LARGE2: variants seen among roughly 807,000 people sequenced by gnomAD.
LARGE2 encodes xylosyl- and glucuronyltransferase LARGE2.
Under a neutral mutation model 75.3 loss-of-function variants are expected in LARGE2, and 63 were observed. That is an observed-to-expected ratio of 0.84 (90% CI 0.68 to 1.03). The LOEUF (loss-of-function observed/expected upper bound fraction) is 1.03. Ranked by LOEUF, LARGE2 falls within the 50% of genes least tolerant of loss-of-function variation. The pLI is 0.00. For synonymous variants in LARGE2, 428 were observed against 420.1 expected (o/e 1.02, Z -0.23); for missense variants, 925 against 980.6 (o/e 0.94, Z 0.76).
In LARGE2 at chr11:45,926,594, G is replaced by A; in HGVS notation, c.1161G>A (p.Glu387=). The change falls in exon 9 of 14, where the codon GAG becomes GAA. Residue 387 remains glutamate, a synonymous_variant. Transcript: ENST00000401752. ...CCAGCCAGCCCCCACCTGGTGCTGA[G>A]CAGGTGAGAAGGAGTCACCTTCCCC... ...VCPSQPPPGA[E]QLQQALAQLD... is the part of the protein sequence containing the mutation. 1 of 1,614,048 alleles carries A rather than the reference G, an allele frequency of 6.2e-7. No homozygotes were observed.
Position 45,928,186 on chromosome 11 carries a change from G to A in LARGE2, c.1764G>A (p.Glu588=). Residue 588 remains glutamate (E), a synonymous_variant, in exon 13 of 14, where the codon GAG becomes GAA. Coordinates refer to ENST00000401752, the MANE Select transcript of LARGE2 (RefSeq NM_001300721.2). ...CGACCCTGCTGCACAGGTACCACGAGTGGCCCCGAGGCCACGCACCCACAG... is the reference window on the plus strand; with the variant it reads ...CGACCCTGCTGCACAGGTACCACGAATGGCCCCGAGGCCACGCACCCACAG... The part of the protein sequence containing the change: ...AGTLYTFRYH[E]WPRGHAPTDY... 1 of 1,613,598 alleles carries A rather than the reference G, an allele frequency of 6.2e-7. No individual in the cohort carries two copies. Among genetic ancestry groups the A allele is most frequent in the Non-Finnish European group, 8.5e-7 (1 of 1,180,010 alleles).
In LARGE2 at chr11:45,928,844, G is replaced by A. The variant is rs1468133733; in HGVS notation, c.2165G>A (p.Ter722=). The A allele has an allele frequency of 2.5e-6, 4 of 1,613,054 alleles. No homozygotes were observed. The Admixed American group carries it at 5.0e-5, about 20-fold the overall frequency. ...CAGCCCCAGAGCCCTGCCCGAGGCT[G>A]AGGCTGGGCCGGCGCTGCCCCTCAT... ...LQQPQSPARG[*] is the part of the protein sequence containing the mutation. The change falls in exon 14 of 14, where the codon TGA becomes TAA. Residue 722 remains the stop codon, a stop_retained_variant. Coordinates refer to ENST00000401752, the MANE Select transcript of LARGE2 (RefSeq NM_001300721.2).
In LARGE2 at chr11:45,928,046, T is replaced by C. The variant is rs777265391; in HGVS notation, c.1731T>C (p.Asp577=). The change falls in exon 12 of 14, where the codon GAT becomes GAC. Residue 577 remains aspartate, a synonymous_variant. Coordinates refer to ENST00000401752, the MANE Select transcript of LARGE2 (RefSeq NM_001300721.2). The stretch of plus-strand genomic sequence containing the variant: ...AGGTGGAGCTGTTGGCCTTGCTGGA[T>C]GCGGGCACTCTCTACACCTTCAGGT... ...HSKVELLALL[D]AGTLYTFRYH... The C allele has an allele frequency of 2.5e-6, 4 of 1,613,932 alleles. No homozygotes were observed. Among genetic ancestry groups the C allele is most frequent in the South Asian group, 1.1e-5 (1 of 91,086 alleles).
rs1474232273 is a variant in LARGE2 at position 45,923,497 on chromosome 11, G to A, written c.310G>A (p.Ala104Thr). The change falls in exon 3 of 14, where the codon GCG (alanine) becomes ACG (threonine). Residue 104 changes from alanine (A) to threonine (T), a missense_variant. Physicochemically the swap from Ala to Thr is moderately conservative, Grantham distance 58. This residue lies in a region of LARGE2 where 453 missense variants were observed against 460.2 expected (regional missense o/e 0.98). Transcript: ENST00000401752. ...CELLHVAIVC[A>T]GHNSSRDVIT... The stretch of plus-strand genomic sequence containing the variant: ...GCTCTTGCATGTGGCCATCGTGTGT[G>A]CGGGGCATAACTCCAGCCGAGACGT... The A allele has an allele frequency of 6.2e-7, 1 of 1,613,754 alleles. No homozygotes were observed. Among genetic ancestry groups the A allele is most frequent in the African/African-American group, 1.3e-5 (1 of 74,938 alleles).
At position 45,922,914 on chromosome 11, in the gene LARGE2, G is replaced by T. The variant is rs1022447828; in HGVS notation, c.32G>T (p.Gly11Val). ...CCCCGAGGGCGCCCCCGGGCGCTGG[G>T]GGCCGCCGCGCTGTTGCTGCTGCTG... MLPRGRPRAL[G>V]AAALLLLLLL... The change falls in exon 2 of 14, where the codon GGG becomes GTG. Residue 11 changes from glycine to valine, a missense_variant. By Grantham distance (109) the Gly-to-Val change is moderately radical. This residue lies in a region of LARGE2 where 453 missense variants were observed against 460.2 expected (regional missense o/e 0.98). Transcript: ENST00000401752. The T allele has an allele frequency of 1.4e-5, 18 of 1,279,062 alleles. No individual in the cohort carries two copies. The African/African-American group carries it at 2.3e-4, about 17-fold the overall frequency. 79.2% of individuals were successfully genotyped at this position (1,279,062 alleles called of 1,614,324 possible).
In LARGE2 at chr11:45,923,046, G is replaced by A. The variant is rs970014306; in HGVS notation, c.164G>A (p.Arg55His). 2.1e-5 allele frequency: 30 copies of A among 1,412,642 alleles called. No individual in the cohort carries two copies. In the African/African-American group the frequency reaches 3.8e-4, roughly 18 times the overall value. The allele number at this position is 1,412,642 out of a possible 1,614,324, so 87.5% of individuals were successfully genotyped here. Residue 55 changes from arginine to histidine, a missense_variant, in exon 2 of 14, where the codon CGT (arginine) becomes CAT (histidine). By Grantham distance (29) the Arg-to-His change is conservative. Coordinates refer to ENST00000401752, the MANE Select transcript of LARGE2 (RefSeq NM_001300721.2). Reference protein sequence around the residue: ...PGCFPGPLMPRVPPDGRLRRA... With the variant: ...PGCFPGPLMPHVPPDGRLRRA... ...TGCTTCCCCGGCCCGCTCATGCCACGTGTCCCCCCAGACGGGAGGCTGCGG... is the reference window on the plus strand; with the variant it reads ...TGCTTCCCCGGCCCGCTCATGCCACATGTCCCCCCAGACGGGAGGCTGCGG...
rs1382467190 is a variant in LARGE2, at chr11:45,923,121, A to G, written c.239A>G (p.Asn80Ser). 7.3e-6 allele frequency: 10 copies of G among 1,368,382 alleles called. No homozygotes were observed. The Admixed American group carries it at 2.2e-4, about 31-fold the overall frequency. 84.8% of individuals were successfully genotyped at this position (1,368,382 alleles called of 1,614,324 possible). A position where few individuals can be genotyped will look rare whatever the true frequency, so the allele number is the denominator to read the frequency against. ...CCGGGGGCCGGCCCCGGGGACCACA[A>G]CCGCTCCGACTGCGGCCCGCAGCCG... The part of the protein sequence containing the change: ...GDPGAGPGDH[N>S]RSDCGPQPPP... The change falls in exon 2 of 14, where the codon AAC becomes AGC. Residue 80 changes from asparagine (N) to serine (S), a missense_variant. By Grantham distance (46) the Asn-to-Ser change is conservative. Coordinates refer to ENST00000401752, the MANE Select transcript of LARGE2 (RefSeq NM_001300721.2).
intron 4 of LARGE2, 21 bp downstream of exon 4, chr11:45,924,298 C>A: frequency 4.3e-6 from 7 of 1,611,550 alleles, no homozygotes; most frequent in Non-Finnish European, 5.9e-6. Flanking sequence ...AGCCCTTCCC[C>A]CCTCCCCTCA....
At chr11:45,923,215 C>A in intron 2 of LARGE2, 48 bp downstream of exon 2, 1 of 1,315,078 alleles carries the variant, frequency 7.6e-7, no homozygotes, top group Non-Finnish European at 9.6e-7. Flanking sequence ...GCGCCGCCCC[C>A]GAGCCCGGCC....
intron 4 of LARGE2, 81 bp from the exon 5 acceptor site, chr11:45,924,425 C>T: frequency 7.0e-6 from 11 of 1,570,908 alleles, no homozygotes; most frequent in Non-Finnish European, 9.5e-6. Context: ...TACCCCCTCT[C>T]CTCTGTGTCA....
In LARGE2 at chr11:45,923,099, G is replaced by A; in HGVS notation, c.217G>A (p.Gly73Arg). Residue 73 changes from glycine (G) to arginine (R), a missense_variant, in exon 2 of 14, where the codon GGG becomes AGG. Transcript: ENST00000401752. ...AGCCGCCGCCCTCGACGGAGACCCGGGGGCCGGCCCCGGGGACCACAACCG... is the reference window on the plus strand; with the variant it reads ...AGCCGCCGCCCTCGACGGAGACCCGAGGGCCGGCCCCGGGGACCACAACCG... ...RRAAALDGDP[G>R]AGPGDHNRSD... The A allele has an allele frequency of 7.1e-7, 1 of 1,402,778 alleles. No individual in the cohort carries two copies. 86.9% of individuals were successfully genotyped at this position (1,402,778 alleles called of 1,614,324 possible). A position where few individuals can be genotyped will look rare whatever the true frequency, so the allele number is the denominator to read the frequency against.
chr11:45,923,106 G>T lies in LARGE2; in HGVS notation c.224G>T (p.Gly75Val). ...AAALDGDPGA[G>V]PGDHNRSDCG... ...GCCCTCGACGGAGACCCGGGGGCCG[G>T]CCCCGGGGACCACAACCGCTCCGAC... Residue 75 changes from glycine (G) to valine (V), a missense_variant, in exon 2 of 14, where the codon GGC (glycine) becomes GTC (valine). By Grantham distance (109) the Gly-to-Val change is moderately radical. Transcript: ENST00000401752. 2 of 1,394,386 alleles carry T rather than the reference G, an allele frequency of 1.4e-6. No individual in the cohort carries two copies. The highest frequency in any genetic ancestry group is 1.9e-6 in the Non-Finnish European group (2 of 1,078,926). 86.4% of individuals were successfully genotyped at this position (1,394,386 alleles called of 1,614,324 possible).
In LARGE2 at chr11:45,928,822, C is replaced by T; in HGVS notation, c.2143C>T (p.Pro715Ser). Residue 715 changes from proline to serine, a missense_variant, in exon 14 of 14, where the codon CCC (proline) becomes TCC (serine). This residue lies in a region of LARGE2 where 469 missense variants were observed against 503.8 expected (regional missense o/e 0.93). Transcript: ENST00000401752. ...ALKYLPALQQPQSPARG is the reference protein window; with the variant it reads ...ALKYLPALQQSQSPARG ...CAAATACCTCCCAGCCCTGCAGCAG[C>T]CCCAGAGCCCTGCCCGAGGCTGAGG... 2 of 1,613,352 alleles carry T rather than the reference C, an allele frequency of 1.2e-6. No individual in the cohort carries two copies. The highest frequency in any genetic ancestry group is 1.7e-6 in the Non-Finnish European group (2 of 1,179,920).
chr11:45,924,856 C>A lies in LARGE2; in HGVS notation c.736C>A (p.Pro246Thr). The change falls in exon 6 of 14, where the codon CCC becomes ACC. Residue 246 changes from proline to threonine, a missense_variant. Physicochemically the swap from Pro to Thr is conservative, Grantham distance 38. Around this residue, in one of 3 missense-constraint regions of LARGE2, gnomAD observed 453 missense variants for 460.2 expected, o/e 0.98. Coordinates refer to ENST00000401752, the MANE Select transcript of LARGE2 (RefSeq NM_001300721.2). ...GGGCAACCTCTGGAAGAACCACAGGCCCTGGCCTGCCTTGGGCCGGGGATT... is the reference window on the plus strand; with the variant it reads ...GGGCAACCTCTGGAAGAACCACAGGACCTGGCCTGCCTTGGGCCGGGGATT... Reference protein sequence around the residue: ...YLGNLWKNHRPWPALGRGFNT... With the variant: ...YLGNLWKNHRTWPALGRGFNT... 1 of 1,499,574 alleles carries A rather than the reference C, an allele frequency of 6.7e-7. No homozygotes were observed. Among genetic ancestry groups the A allele is most frequent in the Non-Finnish European group, 8.9e-7 (1 of 1,124,554 alleles). 92.9% of individuals were successfully genotyped at this position (1,499,574 alleles called of 1,614,324 possible).
intron 4 of LARGE2, 52 bp from the exon 5 acceptor site, chr11:45,924,454 G>C: frequency 6.3e-7 from 1 of 1,592,362 alleles, no homozygotes; most frequent in Admixed American, 1.7e-5. Flanking sequence ...ATGTGTTCTG[G>C]TGCTCATAGG....
Position 45,923,018 on chromosome 11 carries a change from G to C in LARGE2, c.136G>C (p.Gly46Arg). Residue 46 changes from glycine (G) to arginine (R), a missense_variant, in exon 2 of 14, where the codon GGA (glycine) becomes CGA (arginine). Gly to Arg is a moderately radical substitution (Grantham distance 125). This residue lies in a region of LARGE2 where 453 missense variants were observed against 460.2 expected (regional missense o/e 0.98). Transcript: ENST00000401752. ...REPGGRAGAP[G>R]CFPGPLMPRV... ...GCCTGGCGGGCGAGCGGGGGCCCCG[G>C]GATGCTTCCCCGGCCCGCTCATGCC... 1 of 1,370,150 alleles carries C rather than the reference G, an allele frequency of 7.3e-7. No homozygotes were observed. The highest frequency in any genetic ancestry group is 1.7e-5 in the South Asian group (1 of 59,610). The allele number at this position is 1,370,150 out of a possible 1,614,324, so 84.9% of individuals were successfully genotyped here.
chr11:45,926,559 T>C lies in LARGE2; in HGVS notation c.1126T>C (p.Phe376Leu). 1 of 1,614,068 alleles carries C rather than the reference T, an allele frequency of 6.2e-7. No homozygotes were observed. Among genetic ancestry groups the C allele is most frequent in the South Asian group, 1.1e-5 (1 of 91,082 alleles). The change falls in exon 9 of 14, where the codon TTT (phenylalanine) becomes CTT (leucine). Residue 376 changes from phenylalanine (F) to leucine (L), a missense_variant. This residue lies in a region of LARGE2 where 469 missense variants were observed against 503.8 expected (regional missense o/e 0.93). Coordinates refer to ENST00000401752, the MANE Select transcript of LARGE2 (RefSeq NM_001300721.2). ...YDGNLLRREL[F>L]VCPSQPPPGA... Reference sequence around the variant, plus strand: ...TGGGAACCTGCTGCGGAGAGAGCTCTTTGTGTGCCCCAGCCAGCCCCCACC... The same window carrying C: ...TGGGAACCTGCTGCGGAGAGAGCTCCTTGTGTGCCCCAGCCAGCCCCCACC...
chr11:45,924,396 C>A, intron 4 of LARGE2, 110 bp from the exon 5 acceptor site: 15 of 1,563,282 alleles, frequency 9.6e-6, no homozygotes, highest in Non-Finnish European at 1.2e-5. Flanking sequence ...GAAGCGCAAA[C>A]CCCTCTCTTT....
In LARGE2 at chr11:45,926,822, C is replaced by A. The variant is rs376236828; in HGVS notation, c.1276C>A (p.Pro426Thr). 4 of 1,611,022 alleles carry A rather than the reference C, an allele frequency of 2.5e-6. No homozygotes were observed. Among genetic ancestry groups the A allele is most frequent in the African/African-American group, 1.3e-5 (1 of 74,950 alleles). ...HVTFLPHEPPPPRPHDVTLVA... is the reference protein window; with the variant it reads ...HVTFLPHEPPTPRPHDVTLVA... ...CACTTTCCTGCCCCATGAACCGCCACCCCCCCGGCCTCACGATGTCACCCT... is the reference window on the plus strand; with the variant it reads ...CACTTTCCTGCCCCATGAACCGCCAACCCCCCGGCCTCACGATGTCACCCT... The change falls in exon 10 of 14, where the codon CCC (proline) becomes ACC (threonine). Residue 426 changes from proline (P) to threonine (T), a missense_variant. Physicochemically the swap from Pro to Thr is conservative, Grantham distance 38. Coordinates refer to ENST00000401752, the MANE Select transcript of LARGE2 (RefSeq NM_001300721.2).
Sources: gnomAD v4.1 joint callset for allele counts on GRCh38, gnomAD v4.1.1 for gene constraint, gnomAD v4.1.1 regional missense constraint, MANE v1.5 for transcripts, NCBI Gene and HGNC (gene_info 2026-07-23, HGNC 2026-07-21) for gene names.